Variants in KAT2B observed in about 807,000 individuals in gnomAD.
KAT2B encodes histone acetyltransferase KAT2B.
In KAT2B, 36 loss-of-function variants were observed where a neutral mutation model predicts 105.9. The observed-to-expected ratio is 0.34, with a 90% CI of 0.26 to 0.45. The LOEUF is 0.45. Among genes scored for constraint, KAT2B ranks in the 20% least tolerant of loss-of-function variants. The pLI, the probability that KAT2B is intolerant of heterozygous loss-of-function variation, is 1.00. For synonymous variants in KAT2B, 397 were observed against 377.9 expected (o/e 1.05, Z -0.59); for missense variants, 820 against 1,021.6 (o/e 0.80, Z 2.69).
intron 1 of KAT2B, among the ~76,000 whole-genome samples, chr3:20,057,327 C>T (rs1311333011): frequency 6.6e-6 from 1 of 152,152 alleles, no homozygotes. Context: ...GGAAGTTCTG[C>T]TTTACAGGTT....
At chr3:20,150,563 T>A (rs3804570) in intron 17 of KAT2B, among the ~76,000 whole-genome samples, 42,771 of 152,000 alleles carry the variant, frequency 0.28, 6,537 homozygotes, top group East Asian at 0.58. Context: ...ACATGAAAAC[T>A]GAATAATTTA....
rs573132100 is a variant in KAT2B, at chr3:20,047,580, C to T, written c.303+6800C>T. Reference sequence around the variant, plus strand: ...CCAGTGTTATGACTTCTTCCATCCCCGAAAGTTTCCTCTTGCCGTGAGTAC... The same window carrying T: ...CCAGTGTTATGACTTCTTCCATCCCTGAAAGTTTCCTCTTGCCGTGAGTAC... On this transcript the variant is annotated intron_variant, in intron 1 of 17. Transcript: ENST00000263754. Among the ~76,000 whole-genome samples the T allele has an allele frequency of 5.5e-4, 83 of 150,296 alleles. 2 individuals are homozygous for T. The highest frequency in any genetic ancestry group is 5.1e-3 in the Admixed American group (77 of 15,034).
chr3:20,127,160 T>C (rs750941748), intron 10 of KAT2B, among the ~76,000 whole-genome samples: 17 of 152,156 alleles, frequency 1.1e-4, no homozygotes, highest in Non-Finnish European at 1.9e-4. Flanking sequence ...ACATACTCTG[T>C]TCTCTATTTG....
Position 20,126,021 on chromosome 3 carries a change from G to C in KAT2B, c.1530G>C (p.Lys510Asn). ...CCCTCAACCAGAAACCAAACAAGAA[G>C]ATCCTGATGTGGCTGGTTGGCCTAC... ...GNSLNQKPNK[K>N]ILMWLVGLQN... The change falls in exon 10 of 18, where the codon AAG becomes AAC. Residue 510 changes from lysine to asparagine, a missense_variant. Around this residue, in one of 6 missense-constraint regions of KAT2B, gnomAD observed 225 missense variants for 268.1 expected, o/e 0.84. Coordinates refer to ENST00000263754, the MANE Select transcript of KAT2B (RefSeq NM_003884.5). The C allele has an allele frequency of 6.2e-7, 1 of 1,614,082 alleles. No homozygotes were observed. The highest frequency in any genetic ancestry group is 8.5e-7 in the Non-Finnish European group (1 of 1,180,014).
chr3:20,054,466 G>A, intron 1 of KAT2B, among the ~76,000 whole-genome samples: 1 of 152,168 alleles, frequency 6.6e-6, no homozygotes, highest in East Asian at 1.9e-4. Context: ...GTCTCTAATG[G>A]TCCACTTGGA....
intron 8 of KAT2B, among the ~76,000 whole-genome samples, chr3:20,120,006 A>G (rs1699279511): frequency 6.6e-6 from 1 of 152,146 alleles, no homozygotes. Flanking sequence ...GTTGCAAGTT[A>G]CCCATTGATT....
At chr3:20,111,275 A>G (rs1371578802) in intron 5 of KAT2B, among the ~76,000 whole-genome samples, 1 of 152,242 alleles carries the variant, frequency 6.6e-6, no homozygotes, top group Non-Finnish European at 1.5e-5. Context: ...GAAAGGCTAA[A>G]TAGCGTAATC....
At chr3:20,126,872 A>C (rs1341272135) in intron 10 of KAT2B, among the ~76,000 whole-genome samples, 1 of 151,578 alleles carries the variant, frequency 6.6e-6, no homozygotes, top group African/African-American at 2.4e-5. Context: ...AAACTTCTCT[A>C]ATTGAATTTA....
chr3:20,100,806 A>G (rs1698897141), intron 4 of KAT2B, among the ~76,000 whole-genome samples: 2 of 152,326 alleles, frequency 1.3e-5, no homozygotes, highest in Non-Finnish European at 2.9e-5. Flanking sequence ...TTGACTTCAA[A>G]CAAATGATAG....
chr3:20,088,450 A>C (rs959034787), intron 2 of KAT2B, among the ~76,000 whole-genome samples: 16 of 152,068 alleles, frequency 1.1e-4, no homozygotes, highest in Non-Finnish European at 2.2e-4. Flanking sequence ...AGCTATCCTG[A>C]GCGTGAAGTG....
intron 2 of KAT2B, among the ~76,000 whole-genome samples, chr3:20,076,085 A>T (rs1292588510): frequency 1.3e-5 from 2 of 152,060 alleles, no homozygotes; most frequent in Non-Finnish European, 2.9e-5. Flanking sequence ...AAGTCACCTC[A>T]TTAGCATAAA....
At chr3:20,105,902 T>G (rs939684223) in intron 5 of KAT2B, among the ~76,000 whole-genome samples, 93 of 152,274 alleles carry the variant, frequency 6.1e-4, no homozygotes, top group African/African-American at 2.2e-3. Context: ...GCCATTCTTC[T>G]ATGATGTACA....
At chr3:20,097,776 A>G (rs927729190) in intron 3 of KAT2B, among the ~76,000 whole-genome samples, 3 of 151,792 alleles carry the variant, frequency 2.0e-5, no homozygotes, top group Non-Finnish European at 4.4e-5. Context: ...GCCTCAAGTG[A>G]TCTCCCCCCT....
At chr3:20,090,016 A>C (rs990749447) in intron 2 of KAT2B, among the ~76,000 whole-genome samples, 2 of 152,090 alleles carry the variant, frequency 1.3e-5, no homozygotes, top group South Asian at 4.1e-4. Context: ...AACAAGAAAA[A>C]AAAAAACGAA....
intron 1 of KAT2B, among the ~76,000 whole-genome samples, chr3:20,062,126 AT>A (rs1387193370): frequency 1.8e-4 from 14 of 76,258 alleles, no homozygotes; most frequent in African/African-American, 7.7e-4. Context: ...TAAAACATAT[AT>A]ATATAAAATA....
At chr3:20,040,874 C>T (rs2125159408) in intron 1 of KAT2B, 94 bp downstream of exon 1, 2 of 1,367,954 alleles carry the variant, frequency 1.5e-6, no homozygotes, top group Non-Finnish European at 1.9e-6. Context: ...CGCCTCCCGC[C>T]TCCTGCCTCT....
At chr3:20,087,096 T>C (rs1411330406) in intron 2 of KAT2B, among the ~76,000 whole-genome samples, 2 of 152,166 alleles carry the variant, frequency 1.3e-5, no homozygotes. Flanking sequence ...TTTTAAAGGA[T>C]ACAAAATTAC....
intron 12 of KAT2B, among the ~76,000 whole-genome samples, chr3:20,139,433 G>A (rs1699661007): frequency 6.6e-6 from 1 of 152,116 alleles, no homozygotes; most frequent in African/African-American, 2.4e-5. Context: ...TAAGATCTCA[G>A]CTATGGTTCT....
chr3:20,086,478 A>G (rs1028186397), intron 2 of KAT2B, among the ~76,000 whole-genome samples: 2 of 152,092 alleles, frequency 1.3e-5, no homozygotes, highest in African/African-American at 2.4e-5. Flanking sequence ...GTACACGCCT[A>G]TAGTCCCAGC....
Sources: gnomAD v4.1 joint callset for allele counts (sites outside exome capture counted in the v4.1 genomes callset) on GRCh38, gnomAD v4.1.1 for gene constraint, gnomAD v4.1.1 regional missense constraint, MANE v1.5 for transcripts, NCBI Gene and HGNC (gene_info 2026-07-23, HGNC 2026-07-21) for gene names.